The following TTN variants were observed in gnomAD, a reference collection of about 807,000 sequenced individuals.
TTN encodes connectin.
In TTN, 1,525 loss-of-function variants were observed where a neutral mutation model predicts 3,223.0. The observed-to-expected ratio is 0.47, with a 90% CI of 0.45 to 0.49. The LOEUF (loss-of-function observed/expected upper bound fraction) is 0.49, where lower values mean the gene tolerates loss of function less well. Ranked by LOEUF, TTN falls within the 20% of genes least tolerant of loss-of-function variation. The pLI, the probability that TTN is intolerant of heterozygous loss-of-function variation, is 0.00. For synonymous variants in TTN, 14,094 were observed against 15,161.0 expected, an observed-to-expected ratio of 0.93 and a Z score of 5.17; for missense variants, 40,786 against 43,424.0, an observed-to-expected ratio of 0.94 and a Z score of 5.40.
Position 178,775,463 on chromosome 2 carries a change from CA to C in TTN, c.6400del (p.Cys2134ValfsTer5). ...AGTCACATCTCTTATGACCAATTCA[CA>C]AACATTGTCTTCGGGCCAGTACCAG... ...IYWYWPEDNV[C>X]ELVIRDVTAE... On this transcript the variant is annotated frameshift_variant, in exon 28 of 363. Transcript: ENST00000589042. LOFTEE classifies it high-confidence loss of function. 6.2e-7 allele frequency: 1 copy of C among 1,614,026 alleles called. No individual in the cohort carries two copies. Among genetic ancestry groups the C allele is most frequent in the Non-Finnish European group, 8.5e-7 (1 of 1,179,998 alleles).
rs2094107740 is a variant in TTN, at chr2:178,802,267, T to G, written c.166A>C (p.Ile56Leu). 1 of 1,613,936 alleles carries G rather than the reference T, an allele frequency of 6.2e-7. No individual in the cohort carries two copies. The highest frequency in any genetic ancestry group is 8.5e-7 in the Non-Finnish European group (1 of 1,180,008). The change falls in exon 3 of 363, where the codon ATC (isoleucine) becomes CTC (leucine). Residue 56 changes from isoleucine to leucine, a missense_variant. Transcript: ENST00000589042. The part of the protein sequence containing the change: ...ISTSTLPGVQ[I>L]SFSDGRAKLT... Reference sequence around the variant, plus strand: ...TTAGCGCGGCCATCGCTAAAGGAGATCTGCACGCCGGGCAGAGTGGAAGTG... The same window carrying G: ...TTAGCGCGGCCATCGCTAAAGGAGAGCTGCACGCCGGGCAGAGTGGAAGTG...
Position 178,564,535 on chromosome 2 carries a change from A to C in TTN, c.81597T>G (p.Gly27199=). ...CTACAATATAACCTGTTATTTTGCT[A>C]CCACCATCATAGGCAGGTTTCTTCC... is the stretch of plus-strand genomic sequence containing the variant. ...LKWKKPAYDG[G]SKITGYIVEK... Residue 27199 remains glycine (G), a synonymous_variant, in exon 326 of 363, where the codon GGT becomes GGG. Coordinates refer to ENST00000589042, the MANE Select transcript of TTN (RefSeq NM_001267550.2). 1 of 1,613,158 alleles carries C rather than the reference A, an allele frequency of 6.2e-7. No individual in the cohort carries two copies. The highest frequency in any genetic ancestry group is 8.5e-7 in the Non-Finnish European group (1 of 1,179,552).
At chr2:178,596,767 CTG>C (rs2051760456) in intron 294 of TTN, among the ~76,000 whole-genome samples, 1 of 152,004 alleles carries the variant, frequency 6.6e-6, no homozygotes, top group Admixed American at 6.6e-5. Context: ...CACATAAAAA[CTG>C]TGGCTGGAGT....
At position 178,566,147 on chromosome 2, in the gene TTN, A is replaced by G; in HGVS notation, c.79985T>C (p.Ile26662Thr). 1 of 1,613,654 alleles carries G rather than the reference A, an allele frequency of 6.2e-7. No individual in the cohort carries two copies. Among genetic ancestry groups the G allele is most frequent in the Middle Eastern group, 1.7e-4 (1 of 6,054 alleles). The change falls in exon 326 of 363, where the codon ATT (isoleucine) becomes ACT (threonine). Residue 26662 changes from isoleucine (I) to threonine (T), a missense_variant. Ile to Thr is a moderately conservative substitution (Grantham distance 89). Transcript: ENST00000589042. The part of the protein sequence containing the change: ...NCDRNDAGKY[I>T]LKLENSSGSK... ...TCCACTGCTGTTTTCCAACTTAAGA[A>G]TGTATTTTCCAGCATCATTTCTATC...
In TTN at chr2:178,764,298, T is replaced by C; in HGVS notation, c.9993A>G (p.Pro3331=). 6.2e-7 allele frequency: 1 copy of C among 1,613,956 alleles called. No individual in the cohort carries two copies. The highest frequency in any genetic ancestry group is 8.5e-7 in the Non-Finnish European group (1 of 1,179,956). Reference sequence around the variant, plus strand: ...TTTCCTGATCAGGAGACACAACTTCTGGAACTAAAGAAAGAAACCACAAGA... The same window carrying C: ...TTTCCTGATCAGGAGACACAACTTCCGGAACTAAAGAAAGAAACCACAAGA... ...TTSASLSVEV[P]EVVSPDQEMP... is the part of the protein sequence containing the mutation. Residue 3331 remains proline (P), a synonymous_variant, in exon 43 of 363, where the codon CCA becomes CCG. Transcript: ENST00000589042.
rs746122611 is a variant in TTN at position 178,774,362 on chromosome 2, T to A, written c.6902A>T (p.His2301Leu). 6.2e-7 allele frequency: 1 copy of A among 1,614,126 alleles called. No homozygotes were observed. The highest frequency in any genetic ancestry group is 8.5e-7 in the Non-Finnish European group (1 of 1,179,970). Residue 2301 changes from histidine to leucine, a missense_variant, in exon 30 of 363, where the codon CAT becomes CTT. Transcript: ENST00000589042. ...SPENIEGKWY[H>L]NDVELKSNGK... Reference sequence around the variant, plus strand: ...ATTGGATTTAAGCTCCACATCATTATGATACCATTTTCCTTCTATATTTTC... The same window carrying A: ...ATTGGATTTAAGCTCCACATCATTAAGATACCATTTTCCTTCTATATTTTC...
At chr2:178,707,166 A>G (rs538930869) in intron 100 of TTN, among the ~76,000 whole-genome samples, 1 of 152,338 alleles carries the variant, frequency 6.6e-6, no homozygotes, top group East Asian at 1.9e-4. Flanking sequence ...TAATCATATT[A>G]GTAGTGTCAA....
At chr2:178,714,246 G>T (rs1027155538) in intron 91 of TTN, 46 bp downstream of exon 91, 3 of 1,596,768 alleles carry the variant, frequency 1.9e-6, no homozygotes, top group Admixed American at 3.5e-5. Flanking sequence ...ACAGATCCTG[G>T]TGAGTGTGTG....
In TTN at chr2:178,636,759, C is replaced by T. The variant is rs991125044; in HGVS notation, c.40968G>A (p.Arg13656=). The part of the protein sequence containing the change: ...KKTPSPIEAE[R]RKLRPGSGGE... ...CACCACTTCCTGGCCTTAACTTTCT[C>T]CTTTCGGCTTCTATTGGTGAAGGAG... The change falls in exon 225 of 363, where the codon AGG becomes AGA. Residue 13656 remains arginine (R), a synonymous_variant. Transcript: ENST00000589042. This position sits in a 1 kb window ranked among gnomAD's most constrained non-coding sequence, Gnocchi z 4.3. 3 of 1,607,348 alleles carry T rather than the reference C, an allele frequency of 1.9e-6. No individual in the cohort carries two copies. The highest frequency in any genetic ancestry group is 2.6e-6 in the Non-Finnish European group (3 of 1,175,728).
chr2:178,800,508 T>C lies in TTN; in HGVS notation c.470A>G (p.Asp157Gly). ...TTCTGCAATCAGTAAGCTGTAGAGG[T>C]CGCCTTCTTGTGAAATTTGGAAATC... ...SLDFQISQEG[D>G]LYSLLIAEAY... Residue 157 changes from aspartate (D) to glycine (G), a missense_variant, in exon 4 of 363, where the codon GAC becomes GGC. Asp to Gly is a moderately conservative substitution (Grantham distance 94). Transcript: ENST00000589042. The C allele has an allele frequency of 6.2e-7, 1 of 1,613,982 alleles. No individual in the cohort carries two copies. The highest frequency in any genetic ancestry group is 8.5e-7 in the Non-Finnish European group (1 of 1,179,970).
rs762315032 is a variant in TTN at position 178,620,511 on chromosome 2, T to A, written c.46010A>T (p.Asn15337Ile). ...GTTGTCAAAAGGCACTTCTTCACCA[T>A]TTTTGGTCCACTTCAGTGTTACATT... ...RLNVTLKWTK[N>I]GEEVPFDNRV... Residue 15337 changes from asparagine (N) to isoleucine (I), a missense_variant, in exon 248 of 363, where the codon AAT (asparagine) becomes ATT (isoleucine). Coordinates refer to ENST00000589042, the MANE Select transcript of TTN (RefSeq NM_001267550.2). 1.6e-5 allele frequency: 25 copies of A among 1,612,344 alleles called. No individual in the cohort carries two copies. The highest frequency in any genetic ancestry group is 2.0e-5 in the Non-Finnish European group (24 of 1,178,940).
chr2:178,549,547 G>A (rs531436355), intron 338 of TTN, 23 bp downstream of exon 338: 29 of 1,603,944 alleles, frequency 1.8e-5, no homozygotes, highest in African/African-American at 1.2e-4. Context: ...ACATAGTACC[G>A]CTTAGTAAAA....
intron 343 of TTN, 46 bp from the exon 344 acceptor site, chr2:178,545,739 T>G: frequency 6.3e-7 from 1 of 1,599,552 alleles, no homozygotes; most frequent in Non-Finnish European, 8.5e-7. Flanking sequence ...AAATTACTAT[T>G]GATAAGACTG....
intron 47 of TTN, chr2:178,745,686 A>G (rs1157870335): frequency 6.2e-7 from 1 of 1,611,610 alleles, no homozygotes; most frequent in Non-Finnish European, 8.5e-7. Flanking sequence ...CTTGTTATAA[A>G]CAGGTTATGG....
intron 47 of TTN, chr2:178,744,712 C>T (rs1456045654): frequency 3.1e-6 from 3 of 981,414 alleles, no homozygotes; most frequent in Non-Finnish European, 2.4e-6. Flanking sequence ...TTTAAAGATT[C>T]TGAAATCAGA....
At position 178,705,327 on chromosome 2, in the gene TTN, T is replaced by C. The variant is rs747574892; in HGVS notation, c.29451A>G (p.Glu9817=). 32 of 1,605,474 alleles carry C rather than the reference T, an allele frequency of 2.0e-5. No homozygotes were observed. Among genetic ancestry groups the C allele is most frequent in the Non-Finnish European group, 2.7e-5 (32 of 1,175,652 alleles). The change falls in exon 103 of 363, where the codon GAA becomes GAG. Residue 9817 remains glutamate, a synonymous_variant. Transcript: ENST00000589042. ...KTPILKKGAG[E]EEEIDIMELL... ...GTTCCATGATATCAATTTCCTCTTC[T>C]TCTCCAGCTCCTTTCTTTAAGATTG... is the stretch of plus-strand genomic sequence containing the variant.
At chr2:178,677,022 A>G (rs1393975421) in intron 147 of TTN, among the ~76,000 whole-genome samples, 179 bp downstream of exon 147, 1 of 151,662 alleles carries the variant, frequency 6.6e-6, no homozygotes, top group Non-Finnish European at 1.5e-5. Context: ...TTGTTCTTGA[A>G]TACTGCTTTG....
rs763618845 is a variant in TTN, at chr2:178,730,888, A to C, written c.17740+37T>G. 16 of 1,543,510 alleles carry C rather than the reference A, an allele frequency of 1.0e-5. No individual in the cohort carries two copies. In the South Asian group the frequency reaches 2.1e-4, roughly 20 times the overall value. ...AATTTTAAGGGAAGAAGGAGCATGG[A>C]AATGCCCAATCCTCTCTGTAGAAGA... On this transcript the variant is annotated intron_variant, in intron 60 of 362. Coordinates refer to ENST00000589042, the MANE Select transcript of TTN (RefSeq NM_001267550.2).
chr2:178,731,631 T>G (rs1411304868), intron 58 of TTN, 48 bp from the exon 59 acceptor site: 2 of 1,567,686 alleles, frequency 1.3e-6, no homozygotes, highest in African/African-American at 2.7e-5. Context: ...ATAGCAAAAG[T>G]GGCTTAAAAA....
Sources: allele counts gnomAD v4.1 joint callset (sites outside exome capture counted in the v4.1 genomes callset), GRCh38; gene constraint gnomAD v4.1.1; non-coding constraint Gnocchi (gnomAD v3.1); transcripts MANE v1.5; gene names NCBI Gene and HGNC (gene_info 2026-07-23, HGNC 2026-07-21).